The following SCFD1 variants were observed in gnomAD, a reference collection of about 807,000 sequenced individuals.
SCFD1 encodes sec1 family domain containing 1, also known as sec1 family domain-containing protein 1.
SCFD1 carries 37 observed loss-of-function variants against 103.2 expected under a neutral mutation model. The observed-to-expected ratio is 0.36, with a 90% CI of 0.28 to 0.47. The LOEUF (loss-of-function observed/expected upper bound fraction) is 0.47, where lower values mean the gene tolerates loss of function less well. Among genes scored for constraint, SCFD1 ranks in the 20% least tolerant of loss-of-function variants. The probability of loss-of-function intolerance (pLI) is 1.00; values close to 1 mark genes in which losing one functional copy is unlikely to be tolerated. For synonymous variants in SCFD1, 264 were observed against 245.0 expected (o/e 1.08, Z -0.73); for missense variants, 639 against 761.2 (o/e 0.84, Z 1.89).
At chr14:30,622,573 G>T (rs1882956222) in intron 1 of SCFD1, 174 bp downstream of exon 1, 2 of 1,160,682 alleles carry the variant, frequency 1.7e-6, no homozygotes, top group Non-Finnish European at 2.3e-6. Flanking sequence ...TTGAGGACTC[G>T]GTTCCTCCTG....
At position 30,649,591 on chromosome 14, in the gene SCFD1, C is replaced by G. The variant is rs1566595812; in HGVS notation, c.669+8C>G. 6.4e-7 allele frequency: 1 copy of G among 1,565,200 alleles called. No individual in the cohort carries two copies. Among genetic ancestry groups the G allele is most frequent in the Non-Finnish European group, 8.6e-7 (1 of 1,161,024 alleles). The stretch of plus-strand genomic sequence containing the variant: ...GCAGAAATGGTAGCAGTGGTAAGTT[C>G]ATGCGGATATCACGTGGAGATAAAT... On this transcript the variant is annotated splice_region_variant and intron_variant, in intron 8 of 24. Transcript: ENST00000458591.
Position 30,702,319 on chromosome 14 carries a change from A to G in SCFD1, c.1434A>G (p.Lys478=). The G allele has an allele frequency of 6.2e-7, 1 of 1,600,296 alleles. No individual in the cohort carries two copies. Residue 478 remains lysine (K), a synonymous_variant, in exon 17 of 25, where the codon AAA becomes AAG. Coordinates refer to ENST00000458591, the MANE Select transcript of SCFD1 (RefSeq NM_016106.4). The part of the protein sequence containing the change: ...PSEADLEQYK[K]ALTDAGCNLN... ...AGGCTGATTTGGAGCAATATAAAAAAGCTTTAACTGATGCAGGATGCAACC... is the reference window on the plus strand; with the variant it reads ...AGGCTGATTTGGAGCAATATAAAAAGGCTTTAACTGATGCAGGATGCAACC...
chr14:30,622,712 C>T (rs908043065), intron 1 of SCFD1, among the ~76,000 whole-genome samples: 4 of 152,168 alleles, frequency 2.6e-5, no homozygotes, highest in African/African-American at 7.2e-5. Flanking sequence ...TATGTTGCCA[C>T]CTATGAGGTC....
intron 2 of SCFD1, among the ~76,000 whole-genome samples, chr14:30,628,528 G>A (rs968902064): frequency 2.6e-5 from 4 of 152,114 alleles, no homozygotes; most frequent in Non-Finnish European, 4.4e-5. Context: ...TCACTGATAG[G>A]TCTTTTTCCT....
At chr14:30,644,556 A>G (rs1191629344) in intron 7 of SCFD1, among the ~76,000 whole-genome samples, 1 of 152,128 alleles carries the variant, frequency 6.6e-6, no homozygotes. Flanking sequence ...CTGGTGTGAG[A>G]TGGTATCTCA....
intron 4 of SCFD1, 54 bp from the exon 5 acceptor site, chr14:30,638,071 T>C (rs377116191): frequency 1.3e-5 from 19 of 1,481,786 alleles, no homozygotes; most frequent in Middle Eastern, 2.4e-4. Flanking sequence ...TTGAAACATA[T>C]GTATTCATGG....
intron 19 of SCFD1, among the ~76,000 whole-genome samples, chr14:30,709,877 T>A (rs1215396116): frequency 6.6e-6 from 1 of 152,248 alleles, no homozygotes; most frequent in African/African-American, 2.4e-5. Flanking sequence ...ATGTAGTTTA[T>A]TTTTAAGGAG....
At chr14:30,649,424 TTGTA>T in intron 7 of SCFD1, 100 bp from the exon 8 acceptor site, 1 of 721,922 alleles carries the variant, frequency 1.4e-6, no homozygotes, top group East Asian at 3.0e-5. Context: ...TAACGTGAAA[TTGTA>T]TGTATCTATC....
chr14:30,648,753 T>C (rs1407749677), intron 7 of SCFD1, among the ~76,000 whole-genome samples: 2 of 152,118 alleles, frequency 1.3e-5, no homozygotes, highest in African/African-American at 4.8e-5. Context: ...TTCGAGTAGC[T>C]GGGAACACAG....
At position 30,732,370 on chromosome 14, in the gene SCFD1, C is replaced by T. The variant is rs190488150; in HGVS notation, c.1837-2420C>T. On this transcript the variant is annotated intron_variant, in intron 23 of 24. Coordinates refer to ENST00000458591, the MANE Select transcript of SCFD1 (RefSeq NM_016106.4). ...CATCCTTGTCTTCTTTCTCATCATA[C>T]GGGCAAAGCATCTAGTCTTTGACCA... Among the ~76,000 whole-genome samples the T allele has an allele frequency of 2.4e-3, 363 of 152,296 alleles. 1 individual carries two copies. Among genetic ancestry groups the T allele is most frequent in the Admixed American group, 4.1e-3 (63 of 15,300 alleles).
chr14:30,722,316 T>C (rs2139413324), intron 22 of SCFD1, among the ~76,000 whole-genome samples, 178 bp from the exon 23 acceptor site: 1 of 152,280 alleles, frequency 6.6e-6, no homozygotes, highest in South Asian at 2.1e-4. Flanking sequence ...CTCTTCTTCA[T>C]ACTACTCAAG....
chr14:30,648,853 G>C (rs946060185), intron 7 of SCFD1, among the ~76,000 whole-genome samples: 1 of 151,864 alleles, frequency 6.6e-6, no homozygotes, highest in Non-Finnish European at 1.5e-5. Flanking sequence ...CTGTGCCTGC[G>C]GTCCCAGCTA....
chr14:30,638,938 A>G (rs1294144435), intron 5 of SCFD1, among the ~76,000 whole-genome samples: 1 of 152,194 alleles, frequency 6.6e-6, no homozygotes, highest in Non-Finnish European at 1.5e-5. Context: ...TTTTCTACTG[A>G]TAGATTTTTC....
chr14:30,714,360 CAA>C (rs11362201), intron 19 of SCFD1, among the ~76,000 whole-genome samples: 121 of 96,936 alleles, frequency 1.2e-3, no homozygotes, highest in Non-Finnish European at 1.9e-3. Context: ...GACTCCGTCT[CAA>C]AAAAAAAAAA....
intron 10 of SCFD1, among the ~76,000 whole-genome samples, chr14:30,655,335 A>G (rs1287795748): frequency 6.6e-6 from 1 of 152,212 alleles, no homozygotes; most frequent in Non-Finnish European, 1.5e-5. Context: ...GCTACAATGA[A>G]GAGAGGCAGG....
chr14:30,719,934 C>T lies in SCFD1; in HGVS notation c.1736+557C>T, dbSNP rs575812285. Among the ~76,000 whole-genome samples the T allele has an allele frequency of 3.1e-4, 38 of 124,360 alleles. No individual in the cohort carries two copies. The Admixed American group carries it at 4.0e-3, about 13-fold the overall frequency. 81.6% of individuals were successfully genotyped at this position (124,360 alleles called of 152,430 possible). A position where few individuals can be genotyped will look rare whatever the true frequency, so the allele number is the denominator to read the frequency against. ...GGTATGACAAATAGCCTACAAGATA[C>T]AGAAAAAGAATAGGCAGAATTGGGG... On this transcript the variant is annotated intron_variant, in intron 21 of 24. Coordinates refer to ENST00000458591, the MANE Select transcript of SCFD1 (RefSeq NM_016106.4).
rs552798526 is a variant in SCFD1, at chr14:30,710,020, A to G, written c.1629+1955A>G. Reference sequence around the variant, plus strand: ...ACAGACTTTAACCTTTAGAATAATCATGGTTTGTTTTGTTTTTGAACTTAC... The same window carrying G: ...ACAGACTTTAACCTTTAGAATAATCGTGGTTTGTTTTGTTTTTGAACTTAC... On this transcript the variant is annotated intron_variant, in intron 19 of 24. Transcript: ENST00000458591. Among the ~76,000 whole-genome samples, 46 of 152,284 alleles carry G rather than the reference A, an allele frequency of 3.0e-4. 1 individual carries two copies. Among genetic ancestry groups the G allele is most frequent in the African/African-American group, 1.1e-3 (46 of 41,556 alleles).
chr14:30,643,837 A>G, intron 7 of SCFD1: 1 of 421,282 alleles, frequency 2.4e-6, no homozygotes, highest in Non-Finnish European at 4.7e-6. Context: ...TATACCTTCA[A>G]ATTTTATTTT....
At chr14:30,694,220 TTA>T (rs1264311296) in intron 14 of SCFD1, among the ~76,000 whole-genome samples, 3 of 152,204 alleles carry the variant, frequency 2.0e-5, no homozygotes, top group African/African-American at 7.2e-5. Flanking sequence ...CAGTAACTAA[TTA>T]ATACAATAAG....
Sources: gnomAD v4.1 joint callset for allele counts (sites outside exome capture counted in the v4.1 genomes callset) on GRCh38, gnomAD v4.1.1 for gene constraint, MANE v1.5 for transcripts, NCBI Gene and HGNC (gene_info 2026-07-23, HGNC 2026-07-21) for gene names.